Variants in HYDIN observed in about 807,000 individuals in gnomAD.
HYDIN encodes the protein HYDIN axonemal central pair apparatus protein.
A neutral mutation model predicts 403.9 loss-of-function variants in HYDIN; 132 were observed. The observed-to-expected ratio is 0.33, with a 90% CI of 0.28 to 0.38. The LOEUF (loss-of-function observed/expected upper bound fraction) is 0.38. HYDIN is among the 10% of genes least tolerant of loss of function. The probability of loss-of-function intolerance (pLI) is 1.00; values close to 1 mark genes in which losing one functional copy is unlikely to be tolerated. For synonymous variants in HYDIN, 1,202 were observed against 1,891.7 expected (o/e 0.64, Z 9.46); for missense variants, 2,827 against 5,009.5 (o/e 0.56, Z 13.15).
intron 1 of HYDIN, among the ~76,000 whole-genome samples, chr16:71,187,539 T>C (rs1041440788): frequency 6.6e-6 from 1 of 152,300 alleles, no homozygotes; most frequent in East Asian, 1.9e-4. Flanking sequence ...TATGACTAGG[T>C]AGGGATTTCT....
rs957789590 is a variant in HYDIN, at chr16:71,066,704, A to G, written c.2075+586T>C. 6.0e-5 allele frequency: 22 copies of G among 365,358 alleles called. No individual in the cohort carries two copies. The Admixed American group carries it at 7.8e-4, about 13-fold the overall frequency. 22.6% of individuals were successfully genotyped at this position (365,358 alleles called of 1,614,324 possible). On this transcript the variant is annotated intron_variant, in intron 15 of 85. Coordinates refer to ENST00000393567, the MANE Select transcript of HYDIN (RefSeq NM_001270974.2). Reference sequence around the variant, plus strand: ...GCTTGGTCAAAAGGACACAGTCAACAAATGGCTGAGCCAGGATTTTAACCC... The same window carrying G: ...GCTTGGTCAAAAGGACACAGTCAACGAATGGCTGAGCCAGGATTTTAACCC...
rs553421309 is a variant in HYDIN at position 70,893,039 on chromosome 16, C to T, written c.9249-510G>A. On this transcript the variant is annotated intron_variant, in intron 55 of 85. Coordinates refer to ENST00000393567, the MANE Select transcript of HYDIN (RefSeq NM_001270974.2). Reference sequence around the variant, plus strand: ...CTCATGAGACCGGCAGAGGGACTGCCGTAGGCTCAAGATGTATCCCACCTA... The same window carrying T: ...CTCATGAGACCGGCAGAGGGACTGCTGTAGGCTCAAGATGTATCCCACCTA... Among the ~76,000 whole-genome samples, 39 of 152,262 alleles carry T rather than the reference C, an allele frequency of 2.6e-4. 1 individual carries two copies. The South Asian group carries it at 7.5e-3, about 29-fold the overall frequency.
chr16:70,807,860 G>T lies in HYDIN; in HGVS notation c.15086C>A (p.Pro5029His). The T allele has an allele frequency of 6.2e-7, 1 of 1,614,164 alleles. No homozygotes were observed. Among genetic ancestry groups the T allele is most frequent in the Non-Finnish European group, 8.5e-7 (1 of 1,180,024 alleles). ...GCTGTACCCGGCTCGGATCGAGAAG[G>T]GACCTTGGGGCTTGGGAGGCAGAGC... ...GMALPPKPQG[P>H]FSIRAGYSII... The change falls in exon 86 of 86, where the codon CCC (proline) becomes CAC (histidine). Residue 5029 changes from proline to histidine, a missense_variant. Physicochemically the swap from Pro to His is moderately conservative, Grantham distance 77. Transcript: ENST00000393567.
At chr16:70,911,312 T>G (rs568873236) in intron 47 of HYDIN, among the ~76,000 whole-genome samples, 1 of 150,624 alleles carries the variant, frequency 6.6e-6, no homozygotes, top group Admixed American at 6.6e-5. Flanking sequence ...GAGGATCCAG[T>G]TTCATTCTCC....
At chr16:71,042,656 T>C (rs1314951227) in intron 18 of HYDIN, among the ~76,000 whole-genome samples, 1 of 152,226 alleles carries the variant, frequency 6.6e-6, no homozygotes, top group Non-Finnish European at 1.5e-5. Context: ...ATTGTTTTCA[T>C]GTGGTTTTCA....
intron 1 of HYDIN, chr16:71,204,127 A>T (rs1364712840): frequency 2.8e-5 from 5 of 177,786 alleles, no homozygotes; most frequent in Admixed American, 1.8e-4. Context: ...CACATTTTAC[A>T]TGCATTTTCT....
chr16:70,907,008 G>A (rs2076555454), intron 50 of HYDIN, among the ~76,000 whole-genome samples: 1 of 151,924 alleles, frequency 6.6e-6, no homozygotes, highest in South Asian at 2.1e-4. Context: ...GGCTTTTGTT[G>A]CCTTGAAGAG....
At chr16:70,841,352 G>T (rs1000702768) in intron 75 of HYDIN, among the ~76,000 whole-genome samples, 25 of 152,130 alleles carry the variant, frequency 1.6e-4, no homozygotes, top group African/African-American at 6.0e-4. Context: ...TCTAAGAAAT[G>T]TAAGTTCTGA....
In HYDIN at chr16:71,186,821, T is replaced by C. The variant is rs1456187503; in HGVS notation, c.75A>G (p.Gln25=). Reference sequence around the variant, plus strand: ...GACTCAGGGGTGGCAAAACCTTGCTTTGAAATCCTTTGAACATATTGACCA... The same window carrying C: ...GACTCAGGGGTGGCAAAACCTTGCTCTGAAATCCTTTGAACATATTGACCA... The part of the protein sequence containing the change: ...MGLVNMFKGF[Q]SKVLPPLSPK... The change falls in exon 2 of 86, where the codon CAA becomes CAG. Residue 25 remains glutamine (Q), a synonymous_variant. Transcript: ENST00000393567. The C allele has an allele frequency of 1.2e-6, 2 of 1,613,530 alleles. No homozygotes were observed. The highest frequency in any genetic ancestry group is 1.7e-6 in the Non-Finnish European group (2 of 1,179,578).
At chr16:71,114,522 T>G (rs1050608651) in intron 10 of HYDIN, among the ~76,000 whole-genome samples, 5 of 152,022 alleles carry the variant, frequency 3.3e-5, no homozygotes, top group African/African-American at 4.8e-5. Context: ...AGAGTGGCAT[T>G]TAGAAACCAA....
At chr16:71,096,867 T>C (rs2083289926) in intron 10 of HYDIN, among the ~76,000 whole-genome samples, 1 of 102,188 alleles carries the variant, frequency 9.8e-6, no homozygotes, top group Admixed American at 1.1e-4. Flanking sequence ...AGACATAATT[T>C]AAAGCCACAA....
intron 7 of HYDIN, among the ~76,000 whole-genome samples, chr16:71,148,311 T>A (rs1325694232): frequency 6.6e-6 from 1 of 152,174 alleles, no homozygotes; most frequent in Non-Finnish European, 1.5e-5. Flanking sequence ...GCACTTCTCT[T>A]CTGAGACTGA....
At chr16:70,832,744 T>A in intron 80 of HYDIN, 104 bp downstream of exon 80, 1 of 799,934 alleles carries the variant, frequency 1.3e-6, no homozygotes, top group Non-Finnish European at 2.1e-6. Flanking sequence ...TTCACAGGCC[T>A]CGTGGAGGGA....
rs996230238 is a variant in HYDIN at position 71,230,632 on chromosome 16, A to G, written c.-94T>C. ...CCAAGACCCCGCGTCCAACTCACAG[A>G]CCCCGCCGCCGCTGAGGGGCTCCAT... On this transcript the variant is annotated 5_prime_UTR_variant, in exon 1 of 86. Coordinates refer to ENST00000393567, the MANE Select transcript of HYDIN (RefSeq NM_001270974.2). 6.5e-7 allele frequency: 1 copy of G among 1,535,446 alleles called. No homozygotes were observed. The highest frequency in any genetic ancestry group is 1.4e-5 in the African/African-American group (1 of 72,842).
At chr16:71,009,538 G>C (rs2080006062) in intron 23 of HYDIN, among the ~76,000 whole-genome samples, 1 of 152,100 alleles carries the variant, frequency 6.6e-6, no homozygotes, top group Non-Finnish European at 1.5e-5. Context: ...GAATAGGTTG[G>C]ATAAGGGACA....
At chr16:71,225,856 C>G (rs1331827512) in intron 1 of HYDIN, among the ~76,000 whole-genome samples, 1 of 152,032 alleles carries the variant, frequency 6.6e-6, no homozygotes, top group African/African-American at 2.4e-5. Context: ...ACAGAGCTAA[C>G]AAAACATGTG....
intron 43 of HYDIN, among the ~76,000 whole-genome samples, chr16:70,938,956 C>T (rs1475962599): frequency 6.6e-6 from 1 of 152,082 alleles, no homozygotes; most frequent in Admixed American, 6.6e-5. Flanking sequence ...TGAACAGTGG[C>T]CCCCAAAGAT....
At chr16:71,111,174 C>CAA (rs1568169932) in intron 10 of HYDIN, among the ~76,000 whole-genome samples, 2 of 122,250 alleles carry the variant, frequency 1.6e-5, no homozygotes, top group African/African-American at 6.4e-5. Context: ...CATAAACAAA[C>CAA]ACTTAGTTAT....
chr16:71,101,879 A>T (rs2144410015), intron 10 of HYDIN, among the ~76,000 whole-genome samples: 1 of 152,262 alleles, frequency 6.6e-6, no homozygotes, highest in Non-Finnish European at 1.5e-5. Flanking sequence ...GTACCTGAAA[A>T]CATGTTCAAG....
Sources: gnomAD v4.1 joint callset for allele counts (sites outside exome capture counted in the v4.1 genomes callset) on GRCh38, gnomAD v4.1.1 for gene constraint, MANE v1.5 for transcripts, NCBI Gene and HGNC (gene_info 2026-07-23, HGNC 2026-07-21) for gene names.